Variants in RALYL observed in about 807,000 individuals in gnomAD.
RALYL encodes the protein RALY RNA binding protein like.
A neutral mutation model predicts 35.1 loss-of-function variants in RALYL; 29 were observed. That is an observed-to-expected ratio of 0.83 (90% CI 0.61 to 1.13). RALYL has a LOEUF of 1.13. RALYL is among the 50% of genes most tolerant of loss of function. The pLI is 0.00. For missense variants in RALYL, 359 were observed against 360.4 expected (o/e 1.00, Z 0.03); for synonymous variants, 120 against 127.6 (o/e 0.94, Z 0.40).
chr8:84,407,125 G>T (rs78849016), intron 1 of RALYL, among the ~76,000 whole-genome samples: 4,950 of 151,430 alleles, frequency 0.033, 127 homozygotes, highest in Middle Eastern at 0.055. Flanking sequence ...GCTATTCAAA[G>T]TCTCCATCTG....
At chr8:84,768,526 A>G (rs974628249) in intron 2 of RALYL, among the ~76,000 whole-genome samples, 2 of 152,160 alleles carry the variant, frequency 1.3e-5, no homozygotes, top group African/African-American at 4.8e-5. Context: ...GAATATGTAA[A>G]TATGCATACA....
chr8:84,467,514 G>T (rs1390430494), intron 1 of RALYL, among the ~76,000 whole-genome samples: 3 of 151,114 alleles, frequency 2.0e-5, no homozygotes, highest in Admixed American at 6.6e-5. Flanking sequence ...GAGATAGTTT[G>T]TTATAATTTC....
At chr8:84,438,525 A>C (rs1161953220) in intron 1 of RALYL, among the ~76,000 whole-genome samples, 1 of 152,030 alleles carries the variant, frequency 6.6e-6, no homozygotes, top group Non-Finnish European at 1.5e-5. Flanking sequence ...ATTAGATGGG[A>C]CTACAGGCAT....
At chr8:84,409,242 A>G (rs767150200) in intron 1 of RALYL, among the ~76,000 whole-genome samples, 5 of 152,122 alleles carry the variant, frequency 3.3e-5, no homozygotes, top group Non-Finnish European at 5.9e-5. Flanking sequence ...ACTCATGTAT[A>G]TGTTAATTTA....
intron 1 of RALYL, among the ~76,000 whole-genome samples, chr8:84,212,776 A>C (rs1819809335): frequency 6.6e-6 from 1 of 152,174 alleles, no homozygotes; most frequent in African/African-American, 2.4e-5. Context: ...CTTGAAAAAG[A>C]TCAGTATTCT....
intron 8 of RALYL, among the ~76,000 whole-genome samples, chr8:84,910,438 A>G (rs946301874): frequency 6.6e-5 from 10 of 152,130 alleles, no homozygotes; most frequent in Admixed American, 6.6e-4. Context: ...AGACAGTCAC[A>G]TAAACATTTC....
intron 1 of RALYL, among the ~76,000 whole-genome samples, chr8:84,485,870 A>G (rs768968068): frequency 6.6e-6 from 1 of 152,100 alleles, no homozygotes; most frequent in Non-Finnish European, 1.5e-5. Flanking sequence ...TTACAATAGC[A>G]TCTTCCTAAT....
intron 2 of RALYL, among the ~76,000 whole-genome samples, chr8:84,609,536 T>C (rs183247636): frequency 3.9e-5 from 6 of 152,284 alleles, no homozygotes; most frequent in Admixed American, 2.0e-4. Flanking sequence ...GCAAATTCAC[T>C]ATAGCCACTG....
chr8:84,337,840 C>T (rs1419990660), intron 1 of RALYL, among the ~76,000 whole-genome samples: 3 of 152,026 alleles, frequency 2.0e-5, no homozygotes, highest in Non-Finnish European at 2.9e-5. Context: ...GAATTTTCCC[C>T]TTATTCTCTT....
chr8:84,339,264 G>C (rs151075950), intron 1 of RALYL, among the ~76,000 whole-genome samples: 2 of 152,166 alleles, frequency 1.3e-5, no homozygotes, highest in East Asian at 3.9e-4. Context: ...TTTGTGGCCT[G>C]TTGGGAACCA....
intron 1 of RALYL, among the ~76,000 whole-genome samples, chr8:84,208,737 G>C (rs1016466873): frequency 3.3e-5 from 5 of 152,050 alleles, no homozygotes; most frequent in African/African-American, 1.2e-4. Context: ...GAACCACTTA[G>C]GCTAGTGTTA....
chr8:84,857,835 GAATTGT>G (rs1837362048), intron 5 of RALYL, among the ~76,000 whole-genome samples: 1 of 152,086 alleles, frequency 6.6e-6, no homozygotes, highest in Non-Finnish European at 1.5e-5. Context: ...CTGAGACTTA[GAATTGT>G]AGTTTTTTTA....
chr8:84,678,395 C>T (rs1227860803), intron 2 of RALYL, among the ~76,000 whole-genome samples: 4 of 152,064 alleles, frequency 2.6e-5, no homozygotes, highest in Admixed American at 6.6e-5. Flanking sequence ...TCCCAGGTAG[C>T]TGAGATTTTA....
chr8:84,843,048 A>C (rs2134635748), intron 4 of RALYL, among the ~76,000 whole-genome samples: 1 of 152,330 alleles, frequency 6.6e-6, no homozygotes, highest in African/African-American at 2.4e-5. Context: ...TTCCCTTGAA[A>C]ACTGGCACAA....
intron 2 of RALYL, among the ~76,000 whole-genome samples, chr8:84,688,423 A>G (rs921259187): frequency 2.0e-5 from 3 of 152,142 alleles, no homozygotes; most frequent in South Asian, 2.1e-4. Context: ...CAGAAATACA[A>G]CCACACATAT....
intron 1 of RALYL, among the ~76,000 whole-genome samples, chr8:84,423,293 C>T (rs1487285742): frequency 6.6e-6 from 1 of 151,142 alleles, no homozygotes; most frequent in African/African-American, 2.4e-5. Context: ...GATCCCTTTA[C>T]CATTATGTAA....
At chr8:84,879,816 G>A (rs1042270292) in intron 7 of RALYL, among the ~76,000 whole-genome samples, 3 of 151,980 alleles carry the variant, frequency 2.0e-5, no homozygotes, top group Non-Finnish European at 4.4e-5. Context: ...CCTTTCAACT[G>A]CTTACTGGAG....
chr8:84,729,465 T>C (rs1462541081), intron 2 of RALYL, among the ~76,000 whole-genome samples: 1 of 151,784 alleles, frequency 6.6e-6, no homozygotes, highest in East Asian at 1.9e-4. Context: ...AACATCACAA[T>C]TAAAAGAACT....
intron 1 of RALYL, among the ~76,000 whole-genome samples, chr8:84,438,211 G>C (rs1051199855): frequency 2.6e-5 from 4 of 152,006 alleles, no homozygotes; most frequent in Admixed American, 2.6e-4. Flanking sequence ...TGTCTGTTTA[G>C]TTTACTCCGT....
Sources: allele counts gnomAD v4.1 joint callset (sites outside exome capture counted in the v4.1 genomes callset), GRCh38; gene constraint gnomAD v4.1.1; transcripts MANE v1.5; gene names NCBI Gene and HGNC (gene_info 2026-07-23, HGNC 2026-07-21).